The following CACHD1 variants were observed in gnomAD, a reference collection of about 807,000 sequenced individuals.
CACHD1 encodes cache domain containing 1, also known as VWFA and cache domain-containing protein 1.
In CACHD1, 71 loss-of-function variants were observed where a neutral mutation model predicts 138.7. That is an observed-to-expected ratio of 0.51 (90% CI 0.42 to 0.62). The LOEUF is 0.62. Among genes scored for constraint, CACHD1 ranks in the 20% least tolerant of loss-of-function variants. CACHD1 has a pLI of 0.00. For missense variants in CACHD1, 1,389 were observed against 1,625.3 expected, an observed-to-expected ratio of 0.85 and a Z score of 2.50; for synonymous variants, 578 against 591.5, an observed-to-expected ratio of 0.98 and a Z score of 0.33.
At chr1:64,613,471 TACTC>T (rs1366211454) in intron 4 of CACHD1, 2 of 152,202 alleles carry the variant, frequency 1.3e-5, no homozygotes, top group Admixed American at 6.5e-5. Flanking sequence ...TTTATTGCCT[TACTC>T]ACTTTATTCC....
intron 26 of CACHD1, among the ~76,000 whole-genome samples, chr1:64,686,954 G>A (rs933466589): frequency 9.9e-5 from 15 of 152,274 alleles, no homozygotes; most frequent in Non-Finnish European, 1.8e-4. Context: ...CCAGAGGGAC[G>A]TCACACCCCT....
intron 1 of CACHD1, among the ~76,000 whole-genome samples, chr1:64,500,717 T>TAAAAAAAAAAAAAAAAAAAAA (rs72436564): frequency 5.9e-5 from 2 of 33,962 alleles, no homozygotes; most frequent in African/African-American, 5.3e-5. Flanking sequence ...CCTTGTCTCT[T>TAAAAAAAAAAAAAAAAAAAAA]AAAAAAAAAA....
At chr1:64,569,607 C>T (rs1028529800) in intron 2 of CACHD1, among the ~76,000 whole-genome samples, 3 of 152,128 alleles carry the variant, frequency 2.0e-5, no homozygotes, top group African/African-American at 7.2e-5. Context: ...ATGTAAGCTC[C>T]CACTCTGGTG....
intron 5 of CACHD1, among the ~76,000 whole-genome samples, chr1:64,630,156 C>T (rs760434458): frequency 2.0e-5 from 3 of 152,208 alleles, no homozygotes; most frequent in Admixed American, 6.5e-5. Flanking sequence ...GATGCCAAAA[C>T]ATCTGGAGCT....
chr1:64,537,426 T>C (rs1471214865), intron 1 of CACHD1, among the ~76,000 whole-genome samples: 4 of 152,164 alleles, frequency 2.6e-5, no homozygotes, highest in African/African-American at 9.7e-5. Flanking sequence ...CAGACAGGTG[T>C]TCCCATCAGG....
At chr1:64,546,939 T>C (rs202123822) in intron 1 of CACHD1, among the ~76,000 whole-genome samples, 8,202 of 152,186 alleles carry the variant, frequency 0.054, 260 homozygotes, top group East Asian at 0.077. Context: ...AAATGCTCAT[T>C]TTTTTTCCTA....
chr1:64,610,964 C>T (rs759492905), intron 4 of CACHD1, among the ~76,000 whole-genome samples: 11 of 152,206 alleles, frequency 7.2e-5, no homozygotes, highest in East Asian at 1.9e-4. Flanking sequence ...TCCCAAACCT[C>T]GGCTCTTGTC....
At chr1:64,683,381 A>T (rs1650252182) in intron 26 of CACHD1, among the ~76,000 whole-genome samples, 1 of 152,230 alleles carries the variant, frequency 6.6e-6, no homozygotes, top group Non-Finnish European at 1.5e-5. Context: ...TTTGAATAAT[A>T]AAACAGGTTT....
chr1:64,604,289 G>A (rs548153139), intron 4 of CACHD1, among the ~76,000 whole-genome samples: 93 of 152,254 alleles, frequency 6.1e-4, no homozygotes, highest in Admixed American at 1.0e-3. Context: ...TTTTTCATTG[G>A]TCAGATCATC....
In CACHD1 at chr1:64,617,016, A is replaced by G. The variant is rs531761455; in HGVS notation, c.518-12339A>G. On this transcript the variant is annotated intron_variant, in intron 4 of 26. Coordinates refer to ENST00000651257, the MANE Select transcript of CACHD1 (RefSeq NM_020925.4). ...TTTTTTAAGTTAGAGAAACTTAAAA[A>G]TGTTTACATGCCAAAGACAGAGAAA... is the stretch of plus-strand genomic sequence containing the variant. 2.0e-5 allele frequency among the ~76,000 whole-genome samples: 3 copies of G among 152,068 alleles called. No homozygotes were observed. In the East Asian group the frequency reaches 5.8e-4, roughly 29 times the overall value.
intron 2 of CACHD1, among the ~76,000 whole-genome samples, chr1:64,576,135 C>A (rs868315035): frequency 6.6e-6 from 1 of 152,092 alleles, no homozygotes; most frequent in African/African-American, 2.4e-5. Flanking sequence ...TTGTCTCATC[C>A]GTATTCAGGA....
intron 1 of CACHD1, among the ~76,000 whole-genome samples, chr1:64,520,803 T>C (rs147551665): frequency 2.0e-5 from 3 of 152,356 alleles, no homozygotes; most frequent in African/African-American, 7.2e-5. Context: ...GTGCAGTCCT[T>C]TCTGTACATT....
chr1:64,577,143 G>A (rs373172329), intron 2 of CACHD1, among the ~76,000 whole-genome samples: 8 of 151,884 alleles, frequency 5.3e-5, no homozygotes, highest in Admixed American at 2.0e-4. Flanking sequence ...ACAGTGTCCC[G>A]CTATGTTGCC....
chr1:64,578,756 T>C (rs900879392), intron 2 of CACHD1, among the ~76,000 whole-genome samples: 2 of 152,244 alleles, frequency 1.3e-5, no homozygotes, highest in Non-Finnish European at 2.9e-5. Context: ...TGTCTTGGAC[T>C]TCTTACAGCT....
intron 21 of CACHD1, among the ~76,000 whole-genome samples, 169 bp from the exon 22 acceptor site, chr1:64,676,726 A>C (rs1386447347): frequency 6.6e-6 from 1 of 152,208 alleles, no homozygotes; most frequent in East Asian, 1.9e-4. Context: ...GTATATAAAG[A>C]TAAGTAAATT....
intron 4 of CACHD1, among the ~76,000 whole-genome samples, chr1:64,624,915 C>G (rs763898769): frequency 6.6e-6 from 1 of 152,130 alleles, no homozygotes; most frequent in Non-Finnish European, 1.5e-5. Flanking sequence ...GTTAGAGGAC[C>G]GCTGACCAAA....
chr1:64,669,612 G>A (rs1649749795), intron 16 of CACHD1, among the ~76,000 whole-genome samples: 1 of 152,146 alleles, frequency 6.6e-6, no homozygotes, highest in South Asian at 2.1e-4. Flanking sequence ...CTGGTTAGAT[G>A]TGTCTTTGGC....
intron 16 of CACHD1, among the ~76,000 whole-genome samples, chr1:64,669,095 A>G (rs1046521002): frequency 6.6e-6 from 1 of 152,228 alleles, no homozygotes; most frequent in Non-Finnish European, 1.5e-5. Flanking sequence ...AAATTAAATA[A>G]TATGTGTCAG....
intron 4 of CACHD1, among the ~76,000 whole-genome samples, chr1:64,608,928 G>T (rs2100591550): frequency 6.6e-6 from 1 of 152,320 alleles, no homozygotes; most frequent in African/African-American, 2.4e-5. Context: ...GAAAGAAAAA[G>T]CGTCTGGACT....
Sources: gnomAD v4.1 joint callset for allele counts (sites outside exome capture counted in the v4.1 genomes callset) on GRCh38, gnomAD v4.1.1 for gene constraint, MANE v1.5 for transcripts, NCBI Gene and HGNC (gene_info 2026-07-23, HGNC 2026-07-21) for gene names.